Variants in KCNAB1 observed in about 807,000 individuals in gnomAD.
KCNAB1 encodes potassium voltage-gated channel subfamily A regulatory beta subunit 1, also known as voltage-gated potassium channel subunit beta-1.
In KCNAB1, 35 loss-of-function variants were observed where a neutral mutation model predicts 64.6. That is an observed-to-expected ratio of 0.54 (90% CI 0.41 to 0.72). The LOEUF (loss-of-function observed/expected upper bound fraction) is 0.72, where lower values mean the gene tolerates loss of function less well. Ranked by LOEUF, KCNAB1 falls within the 30% of genes least tolerant of loss-of-function variation. The pLI, the probability that KCNAB1 is intolerant of heterozygous loss-of-function variation, is 0.00. For missense variants in KCNAB1, 401 were observed against 512.9 expected, an observed-to-expected ratio of 0.78 and a Z score of 2.11; for synonymous variants, 177 against 183.8, an observed-to-expected ratio of 0.96 and a Z score of 0.30.
chr3:156,455,631 A>G (rs2108283783), intron 3 of KCNAB1, among the ~76,000 whole-genome samples: 1 of 152,300 alleles, frequency 6.6e-6, no homozygotes, highest in East Asian at 1.9e-4. Context: ...AACTCAAATC[A>G]GGTTAACCCA....
In KCNAB1 at chr3:156,186,848, C is replaced by CT. The variant is rs11293662; in HGVS notation, c.275+65976dup. Among the ~76,000 whole-genome samples the CT allele has an allele frequency of 4.5e-3, 641 of 142,626 alleles. 1 individual carries two copies. The highest frequency in any genetic ancestry group is 6.3e-3 in the Non-Finnish European group (414 of 65,620). The allele number at this position is 142,626 out of a possible 152,430, so 93.6% of individuals were successfully genotyped here. On this transcript the variant is annotated intron_variant, in intron 1 of 13. Coordinates refer to ENST00000490337, the MANE Select transcript of KCNAB1 (RefSeq NM_172160.3). Reference sequence around the variant, plus strand: ...TTGTTTTTCTGACCCTCCTTAGCATCTTTTTTTTTTTTTTCTTTCTGGAGA... The same window carrying CT: ...TTGTTTTTCTGACCCTCCTTAGCATCTTTTTTTTTTTTTTTCTTTCTGGAGA...
At chr3:156,307,816 G>A (rs981289344) in intron 1 of KCNAB1, among the ~76,000 whole-genome samples, 1 of 152,072 alleles carries the variant, frequency 6.6e-6, no homozygotes, top group African/African-American at 2.4e-5. Context: ...ATACAGTAAG[G>A]CTGTACAGAA....
intron 1 of KCNAB1, among the ~76,000 whole-genome samples, chr3:156,289,513 CTGT>C (rs1720279782): frequency 6.6e-6 from 1 of 152,186 alleles, no homozygotes; most frequent in Admixed American, 6.5e-5. Context: ...TCTCTGCCCA[CTGT>C]TGTTTATCCA....
intron 1 of KCNAB1, among the ~76,000 whole-genome samples, chr3:156,226,642 G>A (rs1285031859): frequency 1.3e-5 from 2 of 151,934 alleles, no homozygotes; most frequent in Non-Finnish European, 2.9e-5. Context: ...AGAAATCACC[G>A]CTAAAGAACT....
At chr3:156,165,045 G>A (rs1350006132) in intron 1 of KCNAB1, among the ~76,000 whole-genome samples, 1 of 151,996 alleles carries the variant, frequency 6.6e-6, no homozygotes, top group Admixed American at 6.5e-5. Flanking sequence ...TTGGGAGGCC[G>A]AGGCGGGCGG....
At chr3:156,369,238 A>G (rs924407078) in intron 1 of KCNAB1, among the ~76,000 whole-genome samples, 1 of 152,238 alleles carries the variant, frequency 6.6e-6, no homozygotes, top group Non-Finnish European at 1.5e-5. Flanking sequence ...TCTATCATAT[A>G]TTTGAAATTC....
intron 8 of KCNAB1, among the ~76,000 whole-genome samples, chr3:156,513,231 C>A (rs370202634): frequency 2.6e-5 from 4 of 151,764 alleles, no homozygotes; most frequent in Admixed American, 6.6e-5. Context: ...ACAACAACAA[C>A]AAAAAAGTTT....
At chr3:156,454,112 G>A (rs961070358) in intron 3 of KCNAB1, among the ~76,000 whole-genome samples, 1 of 152,196 alleles carries the variant, frequency 6.6e-6, no homozygotes, top group African/African-American at 2.4e-5. Flanking sequence ...CCTGTTCCCT[G>A]TATTGGGCAC....
chr3:156,297,983 T>C (rs1342913577), intron 1 of KCNAB1, among the ~76,000 whole-genome samples: 1 of 152,208 alleles, frequency 6.6e-6, no homozygotes, highest in Non-Finnish European at 1.5e-5. Context: ...TTTGTTATTG[T>C]TTTTTGGTAA....
chr3:156,442,898 C>CA (rs1024702622), intron 2 of KCNAB1, among the ~76,000 whole-genome samples: 1 of 152,098 alleles, frequency 6.6e-6, no homozygotes, highest in Non-Finnish European at 1.5e-5. Context: ...CCTCAGATGA[C>CA]AAAAAACCTG....
intron 6 of KCNAB1, 66 bp from the exon 7 acceptor site, chr3:156,465,577 C>A: frequency 7.0e-7 from 1 of 1,438,712 alleles, no homozygotes; most frequent in Non-Finnish European, 9.8e-7. Context: ...CAATTCAGAC[C>A]AGAGATTTAG....
intron 2 of KCNAB1, chr3:156,445,908 C>T (rs1711515433): frequency 6.6e-6 from 1 of 152,134 alleles, no homozygotes; most frequent in Non-Finnish European, 1.5e-5. Context: ...GAAGGAAGCT[C>T]AAGGTTCCTA....
At chr3:156,530,208 G>A (rs1206641640) in intron 12 of KCNAB1, among the ~76,000 whole-genome samples, 1 of 152,144 alleles carries the variant, frequency 6.6e-6, no homozygotes, top group African/African-American at 2.4e-5. Flanking sequence ...TGGGGGCGGT[G>A]GGATCATGTA....
At chr3:156,212,685 T>C (rs1715084391) in intron 1 of KCNAB1, among the ~76,000 whole-genome samples, 2 of 152,004 alleles carry the variant, frequency 1.3e-5, no homozygotes. Flanking sequence ...AAATTGATGA[T>C]TGGGTTAAAA....
At chr3:156,276,733 G>A (rs1412099369) in intron 1 of KCNAB1, among the ~76,000 whole-genome samples, 1 of 152,048 alleles carries the variant, frequency 6.6e-6, no homozygotes, top group African/African-American at 2.4e-5. Flanking sequence ...ACCTCTCTTA[G>A]CCTTTTGAAT....
chr3:156,394,265 C>T (rs974299132), intron 1 of KCNAB1, among the ~76,000 whole-genome samples: 4 of 152,164 alleles, frequency 2.6e-5, no homozygotes, highest in African/African-American at 9.7e-5. Context: ...CTAGAATATC[C>T]TAGAATGGAG....
chr3:156,431,338 T>C (rs994720727), intron 2 of KCNAB1, among the ~76,000 whole-genome samples: 2 of 152,256 alleles, frequency 1.3e-5, no homozygotes, highest in African/African-American at 4.8e-5. Flanking sequence ...AAAACCCAAA[T>C]GAAATTTTTG....
chr3:156,310,128 A>G (rs1269102428), intron 1 of KCNAB1, among the ~76,000 whole-genome samples: 3 of 152,202 alleles, frequency 2.0e-5, no homozygotes, highest in African/African-American at 7.2e-5. Context: ...TTTGTGCAGT[A>G]GTGCAGTGGT....
chr3:156,434,025 A>C (rs899672144), intron 2 of KCNAB1, among the ~76,000 whole-genome samples: 3 of 152,224 alleles, frequency 2.0e-5, no homozygotes, highest in Non-Finnish European at 4.4e-5. Flanking sequence ...TAAGTGAATT[A>C]ATACATACAT....
Sources: gnomAD v4.1 joint callset for allele counts (sites outside exome capture counted in the v4.1 genomes callset) on GRCh38, gnomAD v4.1.1 for gene constraint, MANE v1.5 for transcripts, NCBI Gene and HGNC (gene_info 2026-07-23, HGNC 2026-07-21) for gene names.